The following MINAR2 variants were observed in gnomAD, a reference collection of about 807,000 sequenced individuals.
MINAR2 encodes major intrinsically disordered NOTCH2-binding receptor 1-like.
A neutral mutation model predicts 16.1 loss-of-function variants in MINAR2; 21 were observed. The ratio of observed to expected loss-of-function variants is 1.31; its 90% CI spans 0.93 to 1.88. The LOEUF (loss-of-function observed/expected upper bound fraction) is 1.88, where lower values mean the gene tolerates loss of function less well. Ranked by LOEUF, MINAR2 falls within the 40% of genes most tolerant of loss-of-function variation. The pLI is 0.00. For missense variants in MINAR2, 259 were observed against 229.8 expected (o/e 1.13, Z -0.82); for synonymous variants, 86 against 83.0 (o/e 1.04, Z -0.20).
In MINAR2 at chr5:129,766,718, T is replaced by G. The variant is rs1395478989; in HGVS notation, c.*1655T>G. 1 of 151,628 alleles carries G rather than the reference T, an allele frequency of 6.6e-6. No homozygotes were observed. Among genetic ancestry groups the G allele is most frequent in the African/African-American group, 2.4e-5 (1 of 41,146 alleles). 9.4% of individuals were successfully genotyped at this position (151,628 alleles called of 1,614,324 possible). A position where few individuals can be genotyped will look rare whatever the true frequency, so the allele number is the denominator to read the frequency against. ...CAGTTTTACTGGACAATAAAGTTGT[T>G]GTGTAGAAAAAAAACGGCGTTAGTC... On this transcript the variant is annotated 3_prime_UTR_variant, in exon 3 of 3. Coordinates refer to ENST00000564719, the MANE Select transcript of MINAR2 (RefSeq NM_001257308.2).
Position 129,760,574 on chromosome 5 carries a change from C to G in MINAR2, c.362C>G (p.Ser121Cys). Residue 121 changes from serine to cysteine, a missense_variant, in exon 2 of 3, where the codon TCC becomes TGC. Transcript: ENST00000564719. ...SWTIEEYDKH[S>C]LHTNLSGHLK... ...ACCATTGAGGAATATGACAAACATT[C>G]CCTGCACACAAACCTCTCTGGACAT... 6.5e-7 allele frequency: 1 copy of G among 1,535,434 alleles called. No individual in the cohort carries two copies. Among genetic ancestry groups the G allele is most frequent in the Non-Finnish European group, 8.7e-7 (1 of 1,146,402 alleles).
chr5:129,753,920 G>T (rs1390180506), intron 1 of MINAR2, among the ~76,000 whole-genome samples: 1 of 152,114 alleles, frequency 6.6e-6, no homozygotes, highest in East Asian at 1.9e-4. Flanking sequence ...TGACAATGTG[G>T]TACTTTGCAG....
At chr5:129,762,634 G>C (rs939605964) in intron 2 of MINAR2, 2 of 302,946 alleles carry the variant, frequency 6.6e-6, no homozygotes, top group Non-Finnish European at 6.8e-6. Context: ...ATAATCCCAT[G>C]TTATTACTTC....
At chr5:129,754,096 C>G (rs971359265) in intron 1 of MINAR2, among the ~76,000 whole-genome samples, 3 of 152,116 alleles carry the variant, frequency 2.0e-5, no homozygotes, top group Non-Finnish European at 2.9e-5. Flanking sequence ...CCAAATGTCT[C>G]TGGCATGAAA....
chr5:129,766,646 A>AAC lies in MINAR2; in HGVS notation c.*1584_*1585insCA, dbSNP rs1479650477. On this transcript the variant is annotated 3_prime_UTR_variant, in exon 3 of 3. Coordinates refer to ENST00000564719, the MANE Select transcript of MINAR2 (RefSeq NM_001257308.2). ...AGTGAGACTTCCATAAAAAAAAAAA[A>AAC]AAAAAAAAAACAAACAAACAAACAA... 1 of 145,980 alleles carries AAC rather than the reference A, an allele frequency of 6.9e-6. No individual in the cohort carries two copies. Among genetic ancestry groups the AAC allele is most frequent in the East Asian group, 2.1e-4 (1 of 4,730 alleles). The allele number at this position is 145,980 out of a possible 1,614,324, so 9.0% of individuals were successfully genotyped here.
Position 129,748,118 on chromosome 5 carries a change from C to A in MINAR2, c.-73C>A. 7.2e-7 allele frequency: 1 copy of A among 1,381,698 alleles called. No individual in the cohort carries two copies. The highest frequency in any genetic ancestry group is 9.8e-7 in the Non-Finnish European group (1 of 1,022,714). 85.6% of individuals were successfully genotyped at this position (1,381,698 alleles called of 1,614,324 possible). A position where few individuals can be genotyped will look rare whatever the true frequency, so the allele number is the denominator to read the frequency against. ...CAGATGCAGTCAGAGCATCCTCAGG[C>A]ACATTAATAATGGAGGAGTCTGACA... On this transcript the variant is annotated 5_prime_UTR_variant, in exon 1 of 3. Coordinates refer to ENST00000564719, the MANE Select transcript of MINAR2 (RefSeq NM_001257308.2).
In MINAR2 at chr5:129,748,267, G is replaced by C. The variant is rs1424028520; in HGVS notation, c.77G>C (p.Ser26Thr). Residue 26 changes from serine (S) to threonine (T), a missense_variant, in exon 1 of 3, where the codon AGC (serine) becomes ACC (threonine). Ser to Thr is a moderately conservative substitution (Grantham distance 58, BLOSUM62 1). Transcript: ENST00000564719. ...CTTGACGTAAAGTCTTTAACGAGGA[G>C]CTCAGCCCTCCTTCAGGCCAGCCTG... ...LQLDVKSLTR[S>T]SALLQASLVR... 2.6e-6 allele frequency: 4 copies of C among 1,535,252 alleles called. No homozygotes were observed. The highest frequency in any genetic ancestry group is 3.5e-6 in the Non-Finnish European group (4 of 1,146,576).
At chr5:129,756,934 T>TAAAAA (rs34547893) in intron 1 of MINAR2, among the ~76,000 whole-genome samples, 24 of 73,954 alleles carry the variant, frequency 3.2e-4, no homozygotes, top group Non-Finnish European at 4.2e-4. Context: ...CTTTCCACAG[T>TAAAAA]AAAAAAAAAA....
chr5:129,750,053 T>C (rs900015793), intron 1 of MINAR2, among the ~76,000 whole-genome samples: 2 of 152,176 alleles, frequency 1.3e-5, no homozygotes, highest in African/African-American at 2.4e-5. Flanking sequence ...AGTGTACTAA[T>C]TGGCCAATTA....
At chr5:129,764,718 G>A (rs1758185640) in intron 2 of MINAR2, among the ~76,000 whole-genome samples, 166 bp from the exon 3 acceptor site, 1 of 151,770 alleles carries the variant, frequency 6.6e-6, no homozygotes, top group South Asian at 2.1e-4. Flanking sequence ...TGCTATTCAA[G>A]GAAGCCTCAT....
At chr5:129,759,358 A>G (rs566856902) in intron 1 of MINAR2, among the ~76,000 whole-genome samples, 1 of 152,282 alleles carries the variant, frequency 6.6e-6, no homozygotes, top group East Asian at 1.9e-4. Context: ...TTGATGTCCC[A>G]TGACAAATGA....
At chr5:129,763,376 T>C (rs970033413) in intron 2 of MINAR2, among the ~76,000 whole-genome samples, 1 of 152,222 alleles carries the variant, frequency 6.6e-6, no homozygotes, top group Non-Finnish European at 1.5e-5. Context: ...CTAACTTACT[T>C]TCTGAAACCT....
rs1367434181 is a variant in MINAR2, at chr5:129,748,325, A to C, written c.135A>C (p.Ala45=). The C allele has an allele frequency of 3.9e-6, 6 of 1,535,064 alleles. No individual in the cohort carries two copies. Among genetic ancestry groups the C allele is most frequent in the African/African-American group, 1.4e-5 (1 of 73,030 alleles). ...TTCCGGGTGGAAATTATCCTGCTGCACAACACTGGCAAAACCTTGTCTACT... is the reference window on the plus strand; with the variant it reads ...TTCCGGGTGGAAATTATCCTGCTGCCCAACACTGGCAAAACCTTGTCTACT... ...VRFPGGNYPA[A]QHWQNLVYSQ... Residue 45 remains alanine (A), a synonymous_variant, in exon 1 of 3, where the codon GCA becomes GCC. Coordinates refer to ENST00000564719, the MANE Select transcript of MINAR2 (RefSeq NM_001257308.2).
intron 1 of MINAR2, among the ~76,000 whole-genome samples, chr5:129,753,542 A>G (rs1329504424): frequency 6.6e-6 from 1 of 150,928 alleles, no homozygotes; most frequent in East Asian, 2.0e-4. Flanking sequence ...TCAGCAGGTC[A>G]GGAGTTCGAG....
In MINAR2 at chr5:129,765,724, A is replaced by C. The variant is rs537537529; in HGVS notation, c.*661A>C. On this transcript the variant is annotated 3_prime_UTR_variant, in exon 3 of 3. Coordinates refer to ENST00000564719, the MANE Select transcript of MINAR2 (RefSeq NM_001257308.2). ...ATAGAATTAAACTTGGATAGGCCAT[A>C]GTTACATAATTAATTACATTTAGAT... 6.6e-6 allele frequency: 1 copy of C among 152,308 alleles called. No homozygotes were observed. Among genetic ancestry groups the C allele is most frequent in the Admixed American group, 6.5e-5 (1 of 15,300 alleles). 9.4% of individuals were successfully genotyped at this position (152,308 alleles called of 1,614,324 possible).
intron 1 of MINAR2, among the ~76,000 whole-genome samples, chr5:129,749,152 TTA>T (rs1412303941): frequency 6.6e-6 from 1 of 152,098 alleles, no homozygotes; most frequent in East Asian, 1.9e-4. Flanking sequence ...GCTAATGGGG[TTA>T]AGAGTTAGTC....
At position 129,753,783 on chromosome 5, in the gene MINAR2, G is replaced by A. The variant is rs1432831777; in HGVS notation, c.165+5428G>A. 2.1e-5 allele frequency among the ~76,000 whole-genome samples: 3 copies of A among 144,974 alleles called. No homozygotes were observed. In the East Asian group the frequency reaches 6.4e-4, roughly 31 times the overall value. ...AGAGAGAGAGAGAGTGAGAGCGTCA[G>A]AGAGAGAGAGAGACAGAGAAAGGAA... On this transcript the variant is annotated intron_variant, in intron 1 of 2. Transcript: ENST00000564719.
intron 1 of MINAR2, among the ~76,000 whole-genome samples, chr5:129,756,578 G>A (rs1758056564): frequency 6.6e-6 from 1 of 151,826 alleles, no homozygotes; most frequent in Non-Finnish European, 1.5e-5. Flanking sequence ...TACGATGTTT[G>A]GTTTTCCATT....
chr5:129,760,021 A>G (rs1295415653), intron 1 of MINAR2, among the ~76,000 whole-genome samples: 2 of 152,214 alleles, frequency 1.3e-5, no homozygotes, highest in Non-Finnish European at 2.9e-5. Flanking sequence ...ATGGAATATA[A>G]AAATAGAGAT....
Sources: allele counts gnomAD v4.1 joint callset (sites outside exome capture counted in the v4.1 genomes callset), GRCh38; gene constraint gnomAD v4.1.1; transcripts MANE v1.5; gene names NCBI Gene and HGNC (gene_info 2026-07-23, HGNC 2026-07-21).